Variants in PTPRD observed in about 807,000 individuals in gnomAD.
PTPRD encodes the protein protein tyrosine phosphatase receptor type D.
In PTPRD, 34 loss-of-function variants were observed where a neutral mutation model predicts 214.5. The observed-to-expected ratio is 0.16, with a 90% confidence interval of 0.12 to 0.21. PTPRD has a LOEUF of 0.21. Ranked by LOEUF, PTPRD falls within the 10% of genes least tolerant of loss-of-function variation. The pLI is 1.00. For synonymous variants in PTPRD, 1,128 were observed against 845.7 expected (o/e 1.33, Z -5.79); for missense variants, 2,545 against 2,398.7 (o/e 1.06, Z -1.27).
At chr9:9,641,436 G>C (rs983410018) in intron 7 of PTPRD, among the ~76,000 whole-genome samples, 1 of 152,128 alleles carries the variant, frequency 6.6e-6, no homozygotes, top group Non-Finnish European at 1.5e-5. Context: ...AGATAAGTAA[G>C]GGATTCATTT....
At chr9:9,928,858 G>T (rs184714765) in intron 5 of PTPRD, among the ~76,000 whole-genome samples, 1 of 151,566 alleles carries the variant, frequency 6.6e-6, no homozygotes, top group Non-Finnish European at 1.5e-5. Flanking sequence ...GCTTTGGTAA[G>T]CTATTATTTC....
intron 9 of PTPRD, among the ~76,000 whole-genome samples, chr9:9,386,616 G>C (rs1379961400): frequency 6.6e-6 from 1 of 152,046 alleles, no homozygotes; most frequent in African/African-American, 2.4e-5. Context: ...GTAGCAAAAT[G>C]CATTTTAAAT....
intron 9 of PTPRD, among the ~76,000 whole-genome samples, chr9:9,342,786 G>A (rs1398032121): frequency 2.6e-5 from 4 of 151,432 alleles, no homozygotes; most frequent in African/African-American, 4.9e-5. Flanking sequence ...AGGTATACAC[G>A]TGCCATGGTG....
chr9:8,397,148 T>A (rs2091385016), intron 36 of PTPRD, among the ~76,000 whole-genome samples: 2 of 152,150 alleles, frequency 1.3e-5, no homozygotes, highest in South Asian at 4.1e-4. Flanking sequence ...GGATGGGATA[T>A]ACATTCTAAC....
intron 4 of PTPRD, among the ~76,000 whole-genome samples, chr9:9,973,517 T>C (rs560834742): frequency 1.3e-3 from 198 of 152,178 alleles, no homozygotes; most frequent in Admixed American, 1.4e-3. Context: ...AAGTAGAGAT[T>C]GACTTGGTCT....
At chr9:9,878,547 T>G (rs2067600519) in intron 5 of PTPRD, among the ~76,000 whole-genome samples, 1 of 152,156 alleles carries the variant, frequency 6.6e-6, no homozygotes, top group South Asian at 2.1e-4. Context: ...GTAAGAGACT[T>G]GGTAAGTTAG....
At chr9:8,483,300 C>G (rs79198011) in intron 30 of PTPRD, among the ~76,000 whole-genome samples, 2,922 of 151,982 alleles carry the variant, frequency 0.019, 57 homozygotes, top group Non-Finnish European at 0.031. Context: ...GGAATTTTTC[C>G]TACTTTTAAT....
chr9:8,514,782 G>A (rs12341045), intron 21 of PTPRD, among the ~76,000 whole-genome samples: 29,559 of 151,968 alleles, frequency 0.19, 3,055 homozygotes, highest in East Asian at 0.28. Flanking sequence ...TAGGCTCTGC[G>A]TCCCCACCCA....
intron 10 of PTPRD, among the ~76,000 whole-genome samples, chr9:9,019,073 A>T (rs2099548723): frequency 6.6e-6 from 1 of 152,128 alleles, no homozygotes; most frequent in South Asian, 2.1e-4. Context: ...TTCAATAAAA[A>T]CAAACTTGTG....
At chr9:10,047,338 G>C (rs564271554) in intron 3 of PTPRD, among the ~76,000 whole-genome samples, 1 of 135,144 alleles carries the variant, frequency 7.4e-6, no homozygotes, top group East Asian at 3.2e-4. Flanking sequence ...GTGTGTGTGT[G>C]CGTGTGTGTG....
intron 2 of PTPRD, among the ~76,000 whole-genome samples, chr9:10,432,942 A>T (rs564323051): frequency 3.5e-4 from 53 of 151,916 alleles, no homozygotes; most frequent in African/African-American, 1.0e-3. Flanking sequence ...TTGCTATCAC[A>T]TTTGCCTTCC....
At chr9:9,252,435 C>G (rs1471076815) in intron 9 of PTPRD, among the ~76,000 whole-genome samples, 1 of 152,014 alleles carries the variant, frequency 6.6e-6, no homozygotes, top group Admixed American at 6.6e-5. Flanking sequence ...CTCCCCCATA[C>G]TTTCTTCCTT....
At chr9:9,663,685 G>A (rs2096661472) in intron 7 of PTPRD, among the ~76,000 whole-genome samples, 1 of 151,520 alleles carries the variant, frequency 6.6e-6, no homozygotes, top group Admixed American at 6.6e-5. Context: ...ACCTGAATTT[G>A]ATCTTTATTT....
intron 4 of PTPRD, among the ~76,000 whole-genome samples, chr9:9,977,015 C>A (rs774683417): frequency 9.2e-5 from 14 of 151,984 alleles, no homozygotes; most frequent in Admixed American, 2.0e-4. Flanking sequence ...ATATTTTAAC[C>A]ACATGAAAAT....
intron 11 of PTPRD, among the ~76,000 whole-genome samples, chr9:8,744,413 A>T (rs1174014214): frequency 6.6e-6 from 1 of 152,244 alleles, no homozygotes; most frequent in East Asian, 1.9e-4. Context: ...CCCATCAATC[A>T]ACGAGTGGAT....
chr9:10,374,026 C>T (rs961635523), intron 2 of PTPRD, among the ~76,000 whole-genome samples: 5 of 152,022 alleles, frequency 3.3e-5, no homozygotes, highest in African/African-American at 9.7e-5. Flanking sequence ...ATTTTCAGGC[C>T]TTAATTTAGT....
intron 7 of PTPRD, among the ~76,000 whole-genome samples, chr9:9,673,379 G>A (rs529670319): frequency 3.3e-4 from 50 of 151,904 alleles, no homozygotes; most frequent in African/African-American, 1.2e-3. Flanking sequence ...GAATAATTAT[G>A]CTCAAATTAT....
intron 8 of PTPRD, among the ~76,000 whole-genome samples, chr9:9,434,962 T>G (rs1381997908): frequency 6.6e-6 from 1 of 151,104 alleles, no homozygotes; most frequent in Non-Finnish European, 1.5e-5. Flanking sequence ...AATACCTGTC[T>G]CTTCATAGAA....
intron 5 of PTPRD, among the ~76,000 whole-genome samples, chr9:9,931,520 G>T (rs1416604580): frequency 6.6e-6 from 1 of 152,198 alleles, no homozygotes; most frequent in Non-Finnish European, 1.5e-5. Flanking sequence ...TTTTCCGACG[G>T]GCTTAAAAAA....
Sources: allele counts gnomAD v4.1 joint callset (sites outside exome capture counted in the v4.1 genomes callset), GRCh38; gene constraint gnomAD v4.1.1; transcripts MANE v1.5; gene names NCBI Gene and HGNC (gene_info 2026-07-23, HGNC 2026-07-21).